CATSPERE: variants seen among roughly 807,000 people sequenced by gnomAD.
CATSPERE encodes catsper channel auxiliary subunit epsilon.
CATSPERE carries 93 observed loss-of-function variants against 114.1 expected under a neutral mutation model. The observed-to-expected ratio is 0.81, with a 90% CI of 0.69 to 0.97. The LOEUF is 0.97. Among genes scored for constraint, CATSPERE ranks in the 50% least tolerant of loss-of-function variants. The probability of loss-of-function intolerance (pLI) is 0.00; values close to 1 mark genes in which losing one functional copy is unlikely to be tolerated. For missense variants in CATSPERE, 1,058 were observed against 1,131.6 expected, an observed-to-expected ratio of 0.93 and a Z score of 0.93; for synonymous variants, 341 against 384.1, an observed-to-expected ratio of 0.89 and a Z score of 1.31.
At chr1:244,602,825 T>G (rs549113313) in intron 17 of CATSPERE, among the ~76,000 whole-genome samples, 88 of 152,130 alleles carry the variant, frequency 5.8e-4, no homozygotes, top group African/African-American at 1.9e-3. Context: ...CGGTAAGATA[T>G]ACAGACGCGG....
At chr1:244,516,710 C>CA (rs1404797416) in intron 7 of CATSPERE, among the ~76,000 whole-genome samples, 1 of 151,246 alleles carries the variant, frequency 6.6e-6, no homozygotes. Flanking sequence ...TTAGTAGAGA[C>CA]AGAGTTTCAC....
chr1:244,476,859 C>A (rs541989388), intron 2 of CATSPERE, among the ~76,000 whole-genome samples: 52 of 152,250 alleles, frequency 3.4e-4, no homozygotes, highest in African/African-American at 1.3e-3. Context: ...TAGTCAGTAA[C>A]GTGTAAATAA....
chr1:244,621,296 TAA>T (rs1672314022), intron 20 of CATSPERE, among the ~76,000 whole-genome samples: 1 of 117,174 alleles, frequency 8.5e-6, no homozygotes, highest in Non-Finnish European at 1.7e-5. Flanking sequence ...TATATCTATA[TAA>T]ATATATAAAT....
intron 20 of CATSPERE, among the ~76,000 whole-genome samples, chr1:244,622,096 A>G (rs1672468588): frequency 6.6e-6 from 1 of 152,176 alleles, no homozygotes; most frequent in Non-Finnish European, 1.5e-5. Context: ...TAATTTTGTC[A>G]TGATCCTGCC....
At chr1:244,530,105 G>A (rs1378417341) in intron 8 of CATSPERE, among the ~76,000 whole-genome samples, 1 of 151,914 alleles carries the variant, frequency 6.6e-6, no homozygotes, top group African/African-American at 2.4e-5. Flanking sequence ...TGCCCACCAC[G>A]CCCGTGTAAC....
At chr1:244,598,689 T>G (rs1668769448) in intron 17 of CATSPERE, 1 of 224,122 alleles carries the variant, frequency 4.5e-6, no homozygotes, top group Admixed American at 4.1e-5. Context: ...ATCACCCATA[T>G]TTAATTCTCT....
At chr1:244,531,080 T>C (rs1199996006) in intron 8 of CATSPERE, among the ~76,000 whole-genome samples, 1 of 117,234 alleles carries the variant, frequency 8.5e-6, no homozygotes, top group Non-Finnish European at 1.7e-5. Context: ...ATAAAAAAAA[T>C]TTAAAAAAAG....
intron 5 of CATSPERE, among the ~76,000 whole-genome samples, chr1:244,485,603 A>G (rs904811268): frequency 2.0e-5 from 3 of 147,036 alleles, no homozygotes; most frequent in African/African-American, 7.5e-5. Context: ...AACTTTTTCC[A>G]TCTTTCTGTC....
intron 7 of CATSPERE, among the ~76,000 whole-genome samples, chr1:244,508,865 G>C (rs1572466422): frequency 6.7e-6 from 1 of 150,100 alleles, no homozygotes; most frequent in South Asian, 2.1e-4. Context: ...GCCAGGCATA[G>C]TAGCACGTGC....
intron 8 of CATSPERE, among the ~76,000 whole-genome samples, chr1:244,535,309 G>A (rs940864651): frequency 1.3e-5 from 2 of 152,186 alleles, no homozygotes; most frequent in African/African-American, 2.4e-5. Flanking sequence ...CCAGCAGGTG[G>A]TGAAGCCAGC....
chr1:244,574,288 G>A (rs190704730), intron 11 of CATSPERE, among the ~76,000 whole-genome samples: 47 of 152,184 alleles, frequency 3.1e-4, no homozygotes, highest in Middle Eastern at 3.4e-3. Flanking sequence ...CAGATATCTC[G>A]GTTAAAGTAC....
intron 11 of CATSPERE, among the ~76,000 whole-genome samples, chr1:244,577,126 A>C (rs956535269): frequency 2.6e-5 from 4 of 151,784 alleles, no homozygotes; most frequent in Admixed American, 2.6e-4. Context: ...GAATTTTATA[A>C]TTTTTTTCAG....
chr1:244,542,632 G>T (rs1186217246), intron 8 of CATSPERE, among the ~76,000 whole-genome samples: 1 of 152,086 alleles, frequency 6.6e-6, no homozygotes, highest in African/African-American at 2.4e-5. Context: ...ATGGCATCCA[G>T]CTTCCTTTAT....
intron 19 of CATSPERE, among the ~76,000 whole-genome samples, chr1:244,616,864 A>C (rs1187462615): frequency 6.6e-6 from 1 of 152,216 alleles, no homozygotes; most frequent in East Asian, 1.9e-4. Flanking sequence ...TGTTTCCTTC[A>C]AATGAGAAGC....
chr1:244,528,147 T>TCCCA (rs1173187481), intron 8 of CATSPERE, among the ~76,000 whole-genome samples: 2 of 152,290 alleles, frequency 1.3e-5, no homozygotes, highest in African/African-American at 4.8e-5. Flanking sequence ...CATATGTTGT[T>TCCCA]CCCACTCACC....
At chr1:244,599,236 G>C (rs182395154) in intron 17 of CATSPERE, among the ~76,000 whole-genome samples, 1 of 152,222 alleles carries the variant, frequency 6.6e-6, no homozygotes, top group African/African-American at 2.4e-5. Flanking sequence ...CCTCCACTGA[G>C]ATGCTAAATA....
intron 1 of CATSPERE, among the ~76,000 whole-genome samples, chr1:244,463,016 T>C (rs905934153): frequency 2.0e-5 from 3 of 152,164 alleles, no homozygotes; most frequent in African/African-American, 4.8e-5. Flanking sequence ...TTTTGAGTAT[T>C]TGAAATATAG....
In CATSPERE at chr1:244,486,130, A is replaced by G. The variant is rs537731676; in HGVS notation, c.327-4317A>G. On this transcript the variant is annotated intron_variant, in intron 5 of 21. Transcript: ENST00000366534. ...ATGAAAGTGTGGGGGTCTCTTGCTC[A>G]GAAAGCAGGGGGGAAATACTGTTAA... Among the ~76,000 whole-genome samples, 23 of 152,360 alleles carry G rather than the reference A, an allele frequency of 1.5e-4. No homozygotes were observed. The South Asian group carries it at 4.6e-3, about 30-fold the overall frequency.
intron 8 of CATSPERE, among the ~76,000 whole-genome samples, chr1:244,538,995 G>A (rs1479471346): frequency 3.9e-5 from 6 of 152,098 alleles, no homozygotes; most frequent in African/African-American, 7.2e-5. Context: ...TAGGTCAGCT[G>A]CACGTCGCTA....
Sources: gnomAD v4.1 joint callset for allele counts (sites outside exome capture counted in the v4.1 genomes callset) on GRCh38, gnomAD v4.1.1 for gene constraint, MANE v1.5 for transcripts, NCBI Gene and HGNC (gene_info 2026-07-23, HGNC 2026-07-21) for gene names.